Variants in GLIS3 observed in about 807,000 individuals in gnomAD.
GLIS3 encodes zinc finger protein GLIS3.
Under a neutral mutation model 78.6 loss-of-function variants are expected in GLIS3, and 53 were observed. That is an observed-to-expected ratio of 0.67 (90% confidence interval 0.54 to 0.85). GLIS3 has a LOEUF of 0.85. Ranked by LOEUF, GLIS3 falls within the 40% of genes least tolerant of loss-of-function variation. The probability of loss-of-function intolerance (pLI) is 0.00; values close to 1 mark genes in which losing one functional copy is unlikely to be tolerated. For missense variants in GLIS3, 1,703 were observed against 1,231.1 expected, an observed-to-expected ratio of 1.38 and a Z score of -5.74; for synonymous variants, 684 against 509.9, an observed-to-expected ratio of 1.34 and a Z score of -4.60.
intron 4 of GLIS3, among the ~76,000 whole-genome samples, chr9:4,067,764 T>A (rs1238196309): frequency 6.7e-6 from 1 of 149,938 alleles, no homozygotes; most frequent in Non-Finnish European, 1.5e-5. Flanking sequence ...AACAAATTAA[T>A]AATATCTCAT....
rs944148761 is a variant in GLIS3 at position 3,824,774 on chromosome 9, T to C, written c.*3498A>G. On this transcript the variant is annotated 3_prime_UTR_variant, in exon 11 of 11. Coordinates refer to ENST00000381971, the MANE Select transcript of GLIS3 (RefSeq NM_001042413.2). ...TATGTACAAGAGTCTGTGTGATTTATGGAAAACAGATTTCCACTTTTTTCC... is the reference window on the plus strand; with the variant it reads ...TATGTACAAGAGTCTGTGTGATTTACGGAAAACAGATTTCCACTTTTTTCC... 1.3e-5 allele frequency: 2 copies of C among 152,622 alleles called. No individual in the cohort carries two copies. The highest frequency in any genetic ancestry group is 2.9e-5 in the Non-Finnish European group (2 of 68,028). The allele number at this position is 152,622 out of a possible 1,614,324, so 9.5% of individuals were successfully genotyped here. A position where few individuals can be genotyped will look rare whatever the true frequency, so the allele number is the denominator to read the frequency against.
At chr9:3,960,038 G>C (rs1817443449) in intron 4 of GLIS3, among the ~76,000 whole-genome samples, 1 of 152,180 alleles carries the variant, frequency 6.6e-6, no homozygotes, top group Non-Finnish European at 1.5e-5. Flanking sequence ...TGTAATCTCA[G>C]TTGCAGAAGA....
rs921179941 is a variant in GLIS3 at position 4,233,856 on chromosome 9, G to C, written c.388+52182C>G. ...GTAGCCATCATCATCAGTGATTTTA[G>C]TTAGATCTCCTGGAGAACTTGCTGC... On this transcript the variant is annotated intron_variant, in intron 2 of 10. Coordinates refer to ENST00000381971, the MANE Select transcript of GLIS3 (RefSeq NM_001042413.2). 6.6e-5 allele frequency among the ~76,000 whole-genome samples: 10 copies of C among 152,188 alleles called. No homozygotes were observed. The East Asian group carries it at 1.9e-3, about 29-fold the overall frequency.
chr9:4,158,754 G>A (rs1373890502), intron 2 of GLIS3, among the ~76,000 whole-genome samples: 2 of 152,192 alleles, frequency 1.3e-5, no homozygotes, highest in African/African-American at 4.8e-5. Context: ...TTGTAGTGGT[G>A]AGAGAATATA....
At chr9:3,860,720 T>A (rs1262495428) in intron 8 of GLIS3, among the ~76,000 whole-genome samples, 1 of 152,158 alleles carries the variant, frequency 6.6e-6, no homozygotes, top group Non-Finnish European at 1.5e-5. Flanking sequence ...CCCCACCTTT[T>A]CCCAGGATCA....
chr9:4,182,619 C>T (rs181148232), intron 2 of GLIS3, among the ~76,000 whole-genome samples: 36 of 152,268 alleles, frequency 2.4e-4, no homozygotes, highest in Non-Finnish European at 4.6e-4. Context: ...GAGATTCAAT[C>T]GCACTCACTC....
chr9:3,832,887 G>T (rs995023455), intron 9 of GLIS3, among the ~76,000 whole-genome samples: 1 of 151,986 alleles, frequency 6.6e-6, no homozygotes, highest in African/African-American at 2.4e-5. Flanking sequence ...TTAATCATTC[G>T]GGGACAATGA....
At chr9:4,219,292 C>T (rs1821119342) in intron 2 of GLIS3, among the ~76,000 whole-genome samples, 1 of 152,232 alleles carries the variant, frequency 6.6e-6, no homozygotes, top group African/African-American at 2.4e-5. Context: ...TTCAAACAAT[C>T]TTAGCATCTT....
chr9:4,232,433 C>G (rs1286588307), intron 2 of GLIS3, among the ~76,000 whole-genome samples: 1 of 135,256 alleles, frequency 7.4e-6, no homozygotes, highest in Non-Finnish European at 1.6e-5. Flanking sequence ...AACAAAGAAA[C>G]AAAGAAGACA....
intron 4 of GLIS3, among the ~76,000 whole-genome samples, chr9:4,069,527 CTTA>C (rs2130623268): frequency 6.6e-6 from 1 of 152,304 alleles, no homozygotes; most frequent in South Asian, 2.1e-4. Context: ...TTCACAGATT[CTTA>C]TTATCTGTGA....
rs759921218 is a variant in GLIS3, at chr9:4,286,106, G to A, written c.320C>T (p.Ser107Leu). Residue 107 changes from serine (S) to leucine (L), a missense_variant, in exon 2 of 11, where the codon TCA becomes TTA. Transcript: ENST00000381971. ...RFQVTQAGGM[S>L]GSHTLKPKQQ... ...CTTTGGCTTTAAAGTATGTGACCCT[G>A]ACATGCCTCCAGCCTGGGTGACCTG... 4.6e-5 allele frequency: 75 copies of A among 1,613,498 alleles called. No individual in the cohort carries two copies. In the African/African-American group the frequency reaches 9.3e-4, roughly 20 times the overall value.
chr9:3,929,942 T>C (rs1825509472), intron 6 of GLIS3, among the ~76,000 whole-genome samples: 1 of 152,180 alleles, frequency 6.6e-6, no homozygotes, highest in South Asian at 2.1e-4. Flanking sequence ...AGTGAGCAAT[T>C]AGAATCTCTC....
chr9:3,836,895 A>G (rs1234478153), intron 9 of GLIS3, among the ~76,000 whole-genome samples: 2 of 152,128 alleles, frequency 1.3e-5, no homozygotes, highest in Admixed American at 6.6e-5. Flanking sequence ...TTAAAGGACA[A>G]TCTCAGCATT....
chr9:4,459,516 C>T, the GLIS3 span, among the ~76,000 whole-genome samples: 1 of 152,234 alleles, frequency 6.6e-6, no homozygotes, highest in Non-Finnish European at 1.5e-5. Flanking sequence ...GTAATCCTGG[C>T]ACTTTGGGAG....
chr9:4,339,510 G>A (rs1817802154), intron 2 of GLIS3, among the ~76,000 whole-genome samples: 1 of 151,566 alleles, frequency 6.6e-6, no homozygotes, highest in Non-Finnish European at 1.5e-5. Flanking sequence ...GGCTGGCGCC[G>A]CCTAGAGGCC....
chr9:4,413,868 AT>A, the GLIS3 span, among the ~76,000 whole-genome samples: 1 of 152,170 alleles, frequency 6.6e-6, no homozygotes. Flanking sequence ...AAAAACTTGG[AT>A]TTTGCTAAAT....
intron 4 of GLIS3, among the ~76,000 whole-genome samples, chr9:4,012,976 T>C (rs1412313212): frequency 6.6e-6 from 1 of 152,062 alleles, no homozygotes; most frequent in Non-Finnish European, 1.5e-5. Context: ...TTTTGCCATG[T>C]TGGCCAGGCT....
chr9:4,240,431 G>C (rs10974407), intron 2 of GLIS3, among the ~76,000 whole-genome samples: 4,733 of 152,026 alleles, frequency 0.031, 222 homozygotes, highest in African/African-American at 0.095. Flanking sequence ...AACAGGCTAC[G>C]GACCAGCAGC....
intron 4 of GLIS3, among the ~76,000 whole-genome samples, chr9:3,944,654 TGACA>T (rs995562941): frequency 5.9e-5 from 9 of 152,198 alleles, no homozygotes; most frequent in Non-Finnish European, 1.0e-4. Context: ...CTTCAGGGGT[TGACA>T]GACAGCAAAA....
Sources: allele counts gnomAD v4.1 joint callset (sites outside exome capture counted in the v4.1 genomes callset), GRCh38; gene constraint gnomAD v4.1.1; transcripts MANE v1.5; gene names NCBI Gene and HGNC (gene_info 2026-07-23, HGNC 2026-07-21).